FAM227B: variants seen among roughly 807,000 people sequenced by gnomAD.
The protein encoded by FAM227B is family with sequence similarity 227 member B, also known as protein FAM227B.
A neutral mutation model predicts 73.8 loss-of-function variants in FAM227B; 88 were observed. The ratio of observed to expected loss-of-function variants is 1.19; its 90% CI spans 1.00 to 1.42. FAM227B has a LOEUF of 1.42. Among genes scored for constraint, FAM227B ranks in the 40% most tolerant of loss-of-function variants. The pLI, the probability that FAM227B is intolerant of heterozygous loss-of-function variation, is 0.00. For synonymous variants in FAM227B, 210 were observed against 190.5 expected, an observed-to-expected ratio of 1.10 and a Z score of -0.84; for missense variants, 632 against 590.9, an observed-to-expected ratio of 1.07 and a Z score of -0.72.
chr15:49,489,875 T>G lies in FAM227B; in HGVS notation c.1012+18336A>C, dbSNP rs1567383272. ...TATATATATTTTATATATATATATA[T>G]ATATATATAGAGAGAGAGAGAGAGA... On this transcript the variant is annotated intron_variant, in intron 11 of 15. Transcript: ENST00000299338. Among the ~76,000 whole-genome samples, 93 of 17,172 alleles carry G rather than the reference T, an allele frequency of 5.4e-3. 12 individuals are homozygous for G. The highest frequency in any genetic ancestry group is 0.045 in the Admixed American group (33 of 738). The allele number at this position is 17,172 out of a possible 152,430, so 11.3% of individuals were successfully genotyped here.
intron 11 of FAM227B, chr15:49,396,467 G>A (rs953693080): frequency 1.5e-4 from 27 of 183,230 alleles, no homozygotes; most frequent in East Asian, 3.6e-4. Flanking sequence ...CAAAGCAGCC[G>A]GGAAGCTCGA....
At chr15:49,447,746 CTT>C (rs1307182085) in intron 11 of FAM227B, among the ~76,000 whole-genome samples, 1 of 151,656 alleles carries the variant, frequency 6.6e-6, no homozygotes, top group Non-Finnish European at 1.5e-5. Flanking sequence ...TGTGGAATGA[CTT>C]TGTCCTCATT....
intron 10 of FAM227B, among the ~76,000 whole-genome samples, chr15:49,524,883 G>T (rs1288957728): frequency 6.6e-6 from 1 of 152,136 alleles, no homozygotes; most frequent in Non-Finnish European, 1.5e-5. Flanking sequence ...CTTTGTTTTG[G>T]CCAATTTCTC....
At chr15:49,577,546 CTTGTTTATA>C (rs1439002854) in intron 6 of FAM227B, 74 bp downstream of exon 6, 1 of 816,110 alleles carries the variant, frequency 1.2e-6, no homozygotes, top group Non-Finnish European at 1.9e-6. Flanking sequence ...TATTTAGAGC[CTTGTTTATA>C]TTGTTGTAAA....
At chr15:49,357,244 C>T (rs1475186797) in intron 13 of FAM227B, among the ~76,000 whole-genome samples, 4 of 149,884 alleles carry the variant, frequency 2.7e-5, no homozygotes, top group Non-Finnish European at 1.5e-5. Flanking sequence ...CAGAGCAGAA[C>T]TGAAGGAAAT....
intron 15 of FAM227B, chr15:49,329,270 G>C (rs1197160115): frequency 1.0e-6 from 1 of 985,314 alleles, no homozygotes; most frequent in African/African-American, 1.7e-5. Flanking sequence ...ATGTTTGGCT[G>C]GTGATGGCAA....
intron 14 of FAM227B, among the ~76,000 whole-genome samples, chr15:49,333,553 A>G (rs1172190478): frequency 6.6e-6 from 1 of 152,214 alleles, no homozygotes; most frequent in African/African-American, 2.4e-5. Flanking sequence ...GGTGTTGTGA[A>G]GCAGAAAGCT....
chr15:49,378,775 A>G (rs2046331920), intron 11 of FAM227B, among the ~76,000 whole-genome samples: 1 of 152,150 alleles, frequency 6.6e-6, no homozygotes, highest in Non-Finnish European at 1.5e-5. Flanking sequence ...TTCCTTTCCA[A>G]TTTGGATGCC....
intron 11 of FAM227B, chr15:49,434,506 G>C (rs1276021284): frequency 1.3e-5 from 2 of 151,494 alleles, no homozygotes; most frequent in African/African-American, 4.8e-5. Flanking sequence ...GAAATAGCCT[G>C]AAGGATGAAA....
At chr15:49,525,707 T>TAC (rs1567487423) in intron 10 of FAM227B, among the ~76,000 whole-genome samples, 5 of 82,480 alleles carry the variant, frequency 6.1e-5, no homozygotes, top group African/African-American at 1.9e-4. Context: ...TATATATATA[T>TAC]ATATATATAT....
chr15:49,360,469 A>G (rs1322293943), intron 13 of FAM227B, among the ~76,000 whole-genome samples: 1 of 152,190 alleles, frequency 6.6e-6, no homozygotes, highest in African/African-American at 2.4e-5. Context: ...AATTTTTTAA[A>G]TAATTTGCAT....
chr15:49,448,671 G>T (rs1453170855), intron 11 of FAM227B, among the ~76,000 whole-genome samples: 7 of 150,074 alleles, frequency 4.7e-5, no homozygotes, highest in Non-Finnish European at 4.4e-5. Flanking sequence ...ATCCACATAT[G>T]TACATATATA....
At chr15:49,347,060 C>T (rs2041611208) in intron 13 of FAM227B, among the ~76,000 whole-genome samples, 1 of 152,134 alleles carries the variant, frequency 6.6e-6, no homozygotes, top group African/African-American at 2.4e-5. Context: ...TCTAAATGGC[C>T]TAGAATTATA....
chr15:49,512,628 G>T (rs1377027087), intron 10 of FAM227B, among the ~76,000 whole-genome samples: 1 of 152,018 alleles, frequency 6.6e-6, no homozygotes, highest in Non-Finnish European at 1.5e-5. Context: ...TGCAGAATGT[G>T]CAGGTTTGTT....
At chr15:49,579,111 T>C (rs902159210) in intron 5 of FAM227B, among the ~76,000 whole-genome samples, 5 of 152,102 alleles carry the variant, frequency 3.3e-5, no homozygotes, top group Non-Finnish European at 7.4e-5. Context: ...CAATGAAATA[T>C]CATCTTATCC....
At chr15:49,478,151 T>C (rs1324565940) in intron 11 of FAM227B, among the ~76,000 whole-genome samples, 10 of 152,168 alleles carry the variant, frequency 6.6e-5, no homozygotes, top group Non-Finnish European at 1.3e-4. Flanking sequence ...CTCCCACTTA[T>C]AAGGGAAAAC....
chr15:49,349,110 T>C (rs1222440370), intron 13 of FAM227B, among the ~76,000 whole-genome samples: 5 of 152,202 alleles, frequency 3.3e-5, no homozygotes, highest in East Asian at 3.8e-4. Flanking sequence ...TGGTGAATTG[T>C]AGTCTGTATC....
At chr15:49,563,941 G>A (rs924936454) in intron 9 of FAM227B, among the ~76,000 whole-genome samples, 3 of 152,112 alleles carry the variant, frequency 2.0e-5, no homozygotes, top group South Asian at 2.1e-4. Context: ...GAGAATTTAC[G>A]ACTAAGTCTG....
intron 3 of FAM227B, among the ~76,000 whole-genome samples, chr15:49,609,597 A>C (rs1446026853): frequency 2.0e-5 from 3 of 151,978 alleles, no homozygotes; most frequent in Non-Finnish European, 2.9e-5. Flanking sequence ...TATCCTAAGC[A>C]TCTATGTGCC....
Sources: allele counts gnomAD v4.1 joint callset (sites outside exome capture counted in the v4.1 genomes callset), GRCh38; gene constraint gnomAD v4.1.1; transcripts MANE v1.5; gene names NCBI Gene and HGNC (gene_info 2026-07-23, HGNC 2026-07-21).